The following SAMMSON variants were observed in gnomAD, a reference collection of about 807,000 sequenced individuals.
SAMMSON encodes long intergenic non-protein coding RNA 1212.
chr3:70,315,424 G>A (rs1702487769), intron 7 of SAMMSON, among the ~76,000 whole-genome samples: 1 of 152,072 alleles, frequency 6.6e-6, no homozygotes, highest in African/African-American at 2.4e-5. Context: ...GAATTTTATT[G>A]CTGCAGTCAT....
intron 2 of SAMMSON, among the ~76,000 whole-genome samples, chr3:70,430,565 A>G (rs990198855): frequency 1.3e-5 from 2 of 152,172 alleles, no homozygotes; most frequent in African/African-American, 4.8e-5. Flanking sequence ...AGTATGCAGA[A>G]GACCATATCT....
intron 3 of SAMMSON, among the ~76,000 whole-genome samples, chr3:70,032,885 T>C (rs2067071187): frequency 6.6e-6 from 1 of 152,142 alleles, no homozygotes; most frequent in Admixed American, 6.6e-5. Flanking sequence ...AAAGGAAAAC[T>C]TCGCAATGAT....
At chr3:70,086,994 C>T (rs1041800998) in intron 4 of SAMMSON, among the ~76,000 whole-genome samples, 31 of 152,120 alleles carry the variant, frequency 2.0e-4, no homozygotes, top group Non-Finnish European at 4.4e-5. Context: ...AAATACAGCC[C>T]GCGGCTGTTT....
chr3:70,200,359 C>T (rs1701225818), intron 4 of SAMMSON, among the ~76,000 whole-genome samples: 1 of 152,192 alleles, frequency 6.6e-6, no homozygotes, highest in Non-Finnish European at 1.5e-5. Context: ...TGATTGGATT[C>T]CTGCCTATTT....
chr3:70,093,580 G>A (rs1212653108), intron 4 of SAMMSON, among the ~76,000 whole-genome samples: 4 of 152,158 alleles, frequency 2.6e-5, no homozygotes, highest in South Asian at 4.2e-4. Flanking sequence ...GTGCACACAG[G>A]TCTCCTCTTT....
At chr3:70,276,174 A>G (rs1702023745) in intron 6 of SAMMSON, among the ~76,000 whole-genome samples, 1 of 152,172 alleles carries the variant, frequency 6.6e-6, no homozygotes, top group Non-Finnish European at 1.5e-5. Flanking sequence ...AATGTTAGGT[A>G]TATAGCAGGT....
chr3:70,239,957 C>A (rs1701650270), intron 4 of SAMMSON, among the ~76,000 whole-genome samples: 1 of 151,908 alleles, frequency 6.6e-6, no homozygotes, highest in South Asian at 2.1e-4. Flanking sequence ...CTTTCACTGA[C>A]CAAAGTAGTA....
chr3:70,275,800 C>G (rs1278826569), intron 6 of SAMMSON, among the ~76,000 whole-genome samples: 1 of 152,094 alleles, frequency 6.6e-6, no homozygotes, highest in Non-Finnish European at 1.5e-5. Flanking sequence ...ATATGAGGAC[C>G]TGGTAAATAA....
intron 4 of SAMMSON, among the ~76,000 whole-genome samples, chr3:70,186,585 T>C (rs1480673940): frequency 6.6e-6 from 1 of 152,110 alleles, no homozygotes; most frequent in Non-Finnish European, 1.5e-5. Flanking sequence ...CCATAGGAAT[T>C]TTTATTTTGA....
At chr3:70,379,159 A>G (rs946986960) in intron 9 of SAMMSON, among the ~76,000 whole-genome samples, 11 of 151,422 alleles carry the variant, frequency 7.3e-5, no homozygotes, top group Non-Finnish European at 1.2e-4. Flanking sequence ...GATTACAGGC[A>G]CGCACCACCA....
intron 4 of SAMMSON, among the ~76,000 whole-genome samples, chr3:70,221,108 C>A (rs1272215885): frequency 6.6e-6 from 1 of 151,996 alleles, no homozygotes; most frequent in Non-Finnish European, 1.5e-5. Flanking sequence ...AATTTTCAGA[C>A]GTGAAGTTCT....
intron 6 of SAMMSON, among the ~76,000 whole-genome samples, chr3:70,258,364 G>A (rs1701836381): frequency 1.4e-5 from 2 of 147,940 alleles, no homozygotes; most frequent in Admixed American, 6.8e-5. Flanking sequence ...TATATGAAGA[G>A]AATATTTACA....
chr3:70,005,928 T>C (rs1174594197), intron 1 of SAMMSON, among the ~76,000 whole-genome samples: 1 of 152,204 alleles, frequency 6.6e-6, no homozygotes, highest in Non-Finnish European at 1.5e-5. Flanking sequence ...AGGCCACCCC[T>C]ATAGAAACTT....
At chr3:70,236,606 T>C (rs1372045577) in intron 4 of SAMMSON, among the ~76,000 whole-genome samples, 1 of 152,138 alleles carries the variant, frequency 6.6e-6, no homozygotes, top group African/African-American at 2.4e-5. Flanking sequence ...AGAAAACTTT[T>C]TTTTTCTGAG....
intron 6 of SAMMSON, among the ~76,000 whole-genome samples, chr3:70,270,300 G>A (rs1305151573): frequency 6.6e-6 from 1 of 152,036 alleles, no homozygotes; most frequent in Non-Finnish European, 1.5e-5. Flanking sequence ...TTCAAAGCAT[G>A]GGAAATAAAT....
chr3:70,220,826 C>A (rs535717530), intron 4 of SAMMSON, among the ~76,000 whole-genome samples: 2 of 152,260 alleles, frequency 1.3e-5, no homozygotes, highest in East Asian at 3.9e-4. Context: ...AAGGTCATTT[C>A]CTTTTTTGTG....
intron 3 of SAMMSON, among the ~76,000 whole-genome samples, chr3:70,067,696 G>C (rs1471829377): frequency 6.6e-6 from 1 of 152,074 alleles, no homozygotes; most frequent in Admixed American, 6.6e-5. Flanking sequence ...AATCCTGTTT[G>C]AAATAAGATA....
At chr3:70,253,527 G>T (rs1271376619) in intron 6 of SAMMSON, among the ~76,000 whole-genome samples, 1 of 152,166 alleles carries the variant, frequency 6.6e-6, no homozygotes, top group Non-Finnish European at 1.5e-5. Flanking sequence ...GCCAAGATAG[G>T]AAGCCTGAGC....
chr3:70,425,648 C>A (rs1701359186), intron 2 of SAMMSON, among the ~76,000 whole-genome samples: 1 of 151,998 alleles, frequency 6.6e-6, no homozygotes, highest in Non-Finnish European at 1.5e-5. Flanking sequence ...CTACTGACCT[C>A]ATGATCCGCC....
Sources: allele counts gnomAD v4.1 joint callset (sites outside exome capture counted in the v4.1 genomes callset), GRCh38; gene constraint gnomAD v4.1.1; transcripts MANE v1.5; gene names NCBI Gene and HGNC (gene_info 2026-07-23, HGNC 2026-07-21).